Variants in TBL1X observed in about 807,000 individuals in gnomAD.
The protein encoded by TBL1X is transducin beta like 1 X-linked.
A neutral mutation model predicts 50.7 loss-of-function variants in TBL1X; 10 were observed. The ratio of observed to expected loss-of-function variants is 0.20; its 90% CI spans 0.12 to 0.33. The LOEUF is 0.33. Among genes scored for constraint, TBL1X ranks in the 10% least tolerant of loss-of-function variants. The pLI is 1.00. For missense variants in TBL1X, 340 were observed against 504.4 expected (o/e 0.67, Z 3.12); for synonymous variants, 190 against 214.7 (o/e 0.88, Z 1.01).
intron 2 of TBL1X, among the ~76,000 whole-genome samples, chrX:9,585,348 C>CA (rs1174637049): frequency 1.0e-5 from 1 of 96,306 alleles, no homozygotes; most frequent in East Asian, 3.8e-4. Flanking sequence ...CCTCCCCCCC[C>CA]CGCCACAGCT....
At chrX:9,661,810 G>A (rs746172484) in intron 5 of TBL1X, among the ~76,000 whole-genome samples, 5 of 111,445 alleles carry the variant, frequency 4.5e-5, no homozygotes, top group African/African-American at 1.3e-4. Context: ...GTGAGGTGGA[G>A]CGGAGGGGAA....
At chrX:9,572,413 C>A (rs951796384) in intron 2 of TBL1X, among the ~76,000 whole-genome samples, 1 of 112,763 alleles carries the variant, frequency 8.9e-6, no homozygotes, top group Non-Finnish European at 1.9e-5. Flanking sequence ...CCTCTACAAC[C>A]TTCCTTTCCT....
chrX:9,609,230 T>C (rs1048962260), intron 2 of TBL1X, among the ~76,000 whole-genome samples: 11 of 111,948 alleles, frequency 9.8e-5, no homozygotes, highest in African/African-American at 2.9e-4. Flanking sequence ...AAAATTAATA[T>C]GCTGTAAGCA....
intron 6 of TBL1X, among the ~76,000 whole-genome samples, chrX:9,684,989 T>G (rs1601837778): frequency 8.9e-6 from 1 of 112,402 alleles, no homozygotes; most frequent in East Asian, 2.8e-4. Context: ...AGGTGATGGC[T>G]CTGGTGTTAA....
intron 2 of TBL1X, among the ~76,000 whole-genome samples, chrX:9,600,170 C>T (rs763282949): frequency 3.1e-4 from 34 of 111,387 alleles, no homozygotes; most frequent in African/African-American, 9.1e-4. Context: ...AACAAAATAC[C>T]GTAGACTGAG....
intron 1 of TBL1X, among the ~76,000 whole-genome samples, chrX:9,493,755 G>A (rs2081958451): frequency 9.0e-6 from 1 of 111,115 alleles, no homozygotes; most frequent in Admixed American, 9.6e-5. Flanking sequence ...GGCAACTGGA[G>A]TGAGATCTTG....
chrX:9,491,453 G>A lies in TBL1X; in HGVS notation c.-200-10327G>A, dbSNP rs60598249. Among the ~76,000 whole-genome samples, 529 of 102,824 alleles carry A rather than the reference G, an allele frequency of 5.1e-3. 5 individuals carry two copies. Among genetic ancestry groups the A allele is most frequent in the African/African-American group, 0.018 (502 of 27,912 alleles). 89.3% of individuals were successfully genotyped at this position (102,824 alleles called of 115,157 possible). On this transcript the variant is annotated intron_variant, in intron 1 of 17. Transcript: ENST00000645353. The stretch of plus-strand genomic sequence containing the variant: ...CCTCCCAGGCTCAAGTGATTTTCCC[G>A]CCTCAGCCACCCGAGTAGCTGAGAC...
chrX:9,532,691 C>T (rs1344882479), intron 2 of TBL1X, among the ~76,000 whole-genome samples: 1 of 111,400 alleles, frequency 9.0e-6, no homozygotes, highest in Non-Finnish European at 1.9e-5. Context: ...CTAGGCCTCT[C>T]TCCTGGGCTT....
intron 6 of TBL1X, among the ~76,000 whole-genome samples, chrX:9,687,473 G>A (rs1227239898): frequency 9.0e-6 from 1 of 111,196 alleles, no homozygotes; most frequent in Non-Finnish European, 1.9e-5. Context: ...GCGATAGCAC[G>A]TGGGCAGGTC....
chrX:9,600,847 G>C (rs1265506058), intron 2 of TBL1X, among the ~76,000 whole-genome samples: 2 of 111,885 alleles, frequency 1.8e-5, no homozygotes, highest in Non-Finnish European at 3.8e-5. Context: ...AGAGAGAAGG[G>C]TCTGCTTCCA....
intron 2 of TBL1X, among the ~76,000 whole-genome samples, chrX:9,556,985 T>A (rs2146997166): frequency 9.0e-6 from 1 of 111,229 alleles, no homozygotes; most frequent in South Asian, 3.8e-4. Flanking sequence ...ACCACTCTTA[T>A]GATCCAAGAT....
chrX:9,654,444 A>G, intron 5 of TBL1X, 122 bp downstream of exon 5: 1 of 771,281 alleles, frequency 1.3e-6, no homozygotes, highest in Non-Finnish European at 1.9e-6. Flanking sequence ...GAAGGTTCTT[A>G]GTGCTGATGG....
intron 14 of TBL1X, 77 bp from the exon 15 acceptor site, chrX:9,709,556 C>T: frequency 8.5e-7 from 1 of 1,179,178 alleles, no homozygotes; most frequent in Non-Finnish European, 1.1e-6. Context: ...CGTGTGCACC[C>T]CCGGGAGGAA....
intron 2 of TBL1X, among the ~76,000 whole-genome samples, chrX:9,635,191 T>C (rs1056511452): frequency 9.0e-6 from 1 of 110,654 alleles, no homozygotes; most frequent in African/African-American, 3.3e-5. Flanking sequence ...ATCATACAAA[T>C]TTGATTCTGT....
chrX:9,702,902 A>G lies in TBL1X; in HGVS notation c.1115-2091A>G, dbSNP rs147380136. Among the ~76,000 whole-genome samples, 7 of 111,610 alleles carry G rather than the reference A, an allele frequency of 6.3e-5. No homozygotes were observed. The East Asian group carries it at 1.7e-3, about 27-fold the overall frequency. ...ATCATGGAGCCCACTCAGTAGCTAAAAGTAATTTCCATGGGCTTGCATGGG... is the reference window on the plus strand; with the variant it reads ...ATCATGGAGCCCACTCAGTAGCTAAGAGTAATTTCCATGGGCTTGCATGGG... On this transcript the variant is annotated intron_variant, in intron 12 of 17. Transcript: ENST00000645353.
chrX:9,692,279 A>G (rs759886484), intron 9 of TBL1X, 25 bp downstream of exon 9: 2 of 1,148,359 alleles, frequency 1.7e-6, no homozygotes, highest in Non-Finnish European at 2.3e-6. Flanking sequence ...CCCCCTGGGC[A>G]CTTTGAAATT....
chrX:9,698,451 G>A (rs1212024672), intron 12 of TBL1X, among the ~76,000 whole-genome samples: 2 of 111,774 alleles, frequency 1.8e-5, no homozygotes, highest in Admixed American at 9.5e-5. Flanking sequence ...CCAGAGCTTC[G>A]AAGGCTCCTC....
chrX:9,515,439 A>G (rs774502278), intron 2 of TBL1X, among the ~76,000 whole-genome samples: 42 of 112,250 alleles, frequency 3.7e-4, no homozygotes, highest in Non-Finnish European at 4.9e-4. Flanking sequence ...TGAGAAGGCA[A>G]TGAGATTGGA....
chrX:9,679,753 C>T (rs1434527015), intron 5 of TBL1X, among the ~76,000 whole-genome samples: 4 of 111,559 alleles, frequency 3.6e-5, no homozygotes, highest in Non-Finnish European at 5.6e-5. Context: ...ATGAATGTGC[C>T]CATTAGCCCT....
Sources: allele counts gnomAD v4.1 joint callset (sites outside exome capture counted in the v4.1 genomes callset), GRCh38; gene constraint gnomAD v4.1.1; transcripts MANE v1.5; gene names NCBI Gene and HGNC (gene_info 2026-07-23, HGNC 2026-07-21).